Variants in PAM observed in about 807,000 individuals in gnomAD.
The protein encoded by PAM is peptidyl-glycine alpha-amidating monooxygenase.
Under a neutral mutation model 122.1 loss-of-function variants are expected in PAM, and 72 were observed. The ratio of observed to expected loss-of-function variants is 0.59; its 90% CI spans 0.49 to 0.72. The LOEUF (loss-of-function observed/expected upper bound fraction) is 0.72, where lower values mean the gene tolerates loss of function less well. Ranked by LOEUF, PAM falls within the 30% of genes least tolerant of loss-of-function variation. PAM has a pLI of 0.00. For synonymous variants in PAM, 389 were observed against 404.4 expected, an observed-to-expected ratio of 0.96 and a Z score of 0.46; for missense variants, 1,106 against 1,183.7, an observed-to-expected ratio of 0.93 and a Z score of 0.96.
At chr5:102,958,887 C>CT (rs971925676) in intron 12 of PAM, among the ~76,000 whole-genome samples, 6 of 151,974 alleles carry the variant, frequency 3.9e-5, no homozygotes, top group African/African-American at 9.6e-5. Context: ...TACCTCATAG[C>CT]TTTTTTTTAT....
intron 10 of PAM, 38 bp downstream of exon 10, chr5:102,949,655 T>C (rs779416071): frequency 3.0e-6 from 3 of 987,742 alleles, no homozygotes; most frequent in Non-Finnish European, 4.9e-6. Context: ...ATATTTACCA[T>C]TGTGCTTCCT....
chr5:102,965,743 T>G (rs1763902111), intron 14 of PAM, among the ~76,000 whole-genome samples: 1 of 152,006 alleles, frequency 6.6e-6, no homozygotes, highest in East Asian at 1.9e-4. Context: ...AAATATAATT[T>G]ATTGAGGGAA....
intron 24 of PAM, among the ~76,000 whole-genome samples, chr5:103,026,102 G>A (rs1784872987): frequency 6.6e-6 from 1 of 152,176 alleles, no homozygotes; most frequent in Non-Finnish European, 1.5e-5. Flanking sequence ...CAATACCAGA[G>A]TTAGTATTTT....
intron 1 of PAM, among the ~76,000 whole-genome samples, chr5:102,790,648 G>A (rs867856857): frequency 6.6e-6 from 1 of 151,898 alleles, no homozygotes; most frequent in Non-Finnish European, 1.5e-5. Flanking sequence ...TCATTTCTGT[G>A]GGCATAGAAT....
chr5:102,771,942 T>C (rs1755907835), intron 1 of PAM, among the ~76,000 whole-genome samples: 2 of 152,118 alleles, frequency 1.3e-5, no homozygotes, highest in Non-Finnish European at 2.9e-5. Context: ...ATCATAATAA[T>C]TGTTCCCATT....
At chr5:102,940,712 T>C (rs1754916365) in intron 7 of PAM, among the ~76,000 whole-genome samples, 1 of 152,132 alleles carries the variant, frequency 6.6e-6, no homozygotes, top group African/African-American at 2.4e-5. Context: ...CTTTTGGTTT[T>C]AGCCAAAAGA....
chr5:102,801,268 A>G (rs1206110556), intron 1 of PAM, among the ~76,000 whole-genome samples: 1 of 152,234 alleles, frequency 6.6e-6, no homozygotes, highest in African/African-American at 2.4e-5. Context: ...TCATTAAAAC[A>G]TATAAATTAT....
intron 1 of PAM, among the ~76,000 whole-genome samples, chr5:102,758,531 T>A (rs1313453488): frequency 6.6e-6 from 1 of 152,190 alleles, no homozygotes; most frequent in Non-Finnish European, 1.5e-5. Flanking sequence ...TAAAACCACA[T>A]ACAAATAGCT....
At position 102,961,248 on chromosome 5, in the gene PAM, A is replaced by G; in HGVS notation, c.1162+19A>G. ...GACCAGGGTATGTATGCTTATTTCT[A>G]TAACTAGTCCTATAAAAGTATCAAT... On this transcript the variant is annotated intron_variant, in intron 14 of 25. Coordinates refer to ENST00000438793, the MANE Select transcript of PAM (RefSeq NM_001177306.2). The G allele has an allele frequency of 9.7e-6, 13 of 1,341,892 alleles. No individual in the cohort carries two copies. Among genetic ancestry groups the G allele is most frequent in the Non-Finnish European group, 1.4e-5 (13 of 933,884 alleles). 83.1% of individuals were successfully genotyped at this position (1,341,892 alleles called of 1,614,324 possible).
chr5:102,803,765 T>C (rs1265361698), intron 1 of PAM, among the ~76,000 whole-genome samples: 1 of 152,180 alleles, frequency 6.6e-6, no homozygotes, highest in Non-Finnish European at 1.5e-5. Context: ...ATTGAATAAG[T>C]ATTTATTGAG....
Position 102,978,843 on chromosome 5 carries a change from A to C in PAM, c.1483+4407A>C, listed in dbSNP as rs373526385. 1.6e-4 allele frequency among the ~76,000 whole-genome samples: 24 copies of C among 152,124 alleles called. No individual in the cohort carries two copies. In the South Asian group the frequency reaches 4.8e-3, roughly 30 times the overall value. On this transcript the variant is annotated intron_variant, in intron 15 of 25. Coordinates refer to ENST00000438793, the MANE Select transcript of PAM (RefSeq NM_001177306.2). ...GGGAGGAGAATGGTTAAAAAAAAAAAAACACCTATACATAGCACTTACTTT... is the reference window on the plus strand; with the variant it reads ...GGGAGGAGAATGGTTAAAAAAAAAACAACACCTATACATAGCACTTACTTT...
At chr5:102,836,456 C>T (rs1357487896) in intron 1 of PAM, among the ~76,000 whole-genome samples, 1 of 152,078 alleles carries the variant, frequency 6.6e-6, no homozygotes, top group East Asian at 1.9e-4. Flanking sequence ...ATCTTGAACT[C>T]CTGGCCTCAA....
intron 6 of PAM, 118 bp downstream of exon 6, chr5:102,925,160 A>G (rs1241790169): frequency 6.0e-6 from 4 of 670,412 alleles, no homozygotes; most frequent in African/African-American, 3.6e-5. Flanking sequence ...GCTGCTTCAC[A>G]GTGAAAGTAC....
chr5:102,971,188 C>T (rs963760342), intron 14 of PAM, among the ~76,000 whole-genome samples: 76 of 152,250 alleles, frequency 5.0e-4, no homozygotes, highest in African/African-American at 1.8e-3. Context: ...TTATATAAAC[C>T]ACAGGTTGAA....
At chr5:102,809,950 A>G (rs1767413371) in intron 1 of PAM, among the ~76,000 whole-genome samples, 1 of 152,244 alleles carries the variant, frequency 6.6e-6, no homozygotes, top group Non-Finnish European at 1.5e-5. Flanking sequence ...CCTAAGAAGT[A>G]GGAAAAATTA....
chr5:102,865,833 A>G lies in PAM; in HGVS notation c.-363A>G. On this transcript the variant is annotated 5_prime_UTR_variant, in exon 2 of 26. An upstream start codon of the reference 5' UTR is lost. Transcript: ENST00000438793. ...CTTCTATTTTTGCAGGTTCTGAATGATGACTGACGCGGGTTTGGGTGATAC... is the reference window on the plus strand; with the variant it reads ...CTTCTATTTTTGCAGGTTCTGAATGGTGACTGACGCGGGTTTGGGTGATAC... 4.3e-6 allele frequency: 1 copy of G among 231,874 alleles called. No individual in the cohort carries two copies. Among genetic ancestry groups the G allele is most frequent in the Non-Finnish European group, 8.2e-6 (1 of 121,512 alleles). The allele number at this position is 231,874 out of a possible 1,614,324, so 14.4% of individuals were successfully genotyped here.
At chr5:102,852,558 G>T (rs1427564276) in intron 1 of PAM, among the ~76,000 whole-genome samples, 1 of 152,018 alleles carries the variant, frequency 6.6e-6, no homozygotes, top group Non-Finnish European at 1.5e-5. Context: ...TTATGAGTTA[G>T]TCGCACCAGG....
chr5:102,943,209 A>G (rs1308683413), intron 7 of PAM, among the ~76,000 whole-genome samples: 2 of 152,218 alleles, frequency 1.3e-5, no homozygotes, highest in South Asian at 2.1e-4. Flanking sequence ...AGTATAGAGC[A>G]CTATCTCTAG....
chr5:102,961,630 A>T (rs1008729481), intron 14 of PAM, among the ~76,000 whole-genome samples: 2 of 151,914 alleles, frequency 1.3e-5, no homozygotes, highest in African/African-American at 4.8e-5. Flanking sequence ...GAAAAAAAGA[A>T]ATTAAGAATT....
Sources: allele counts gnomAD v4.1 joint callset (sites outside exome capture counted in the v4.1 genomes callset), GRCh38; gene constraint gnomAD v4.1.1; transcripts MANE v1.5; gene names NCBI Gene and HGNC (gene_info 2026-07-23, HGNC 2026-07-21).